Variants in TMEM120B observed in about 807,000 individuals in gnomAD.
TMEM120B encodes the protein transmembrane protein 120B.
TMEM120B carries 31 observed loss-of-function variants against 55.5 expected under a neutral mutation model. The observed-to-expected ratio is 0.56, with a 90% CI of 0.42 to 0.75. The LOEUF (loss-of-function observed/expected upper bound fraction) is 0.75. TMEM120B is among the 30% of genes least tolerant of loss of function. TMEM120B has a pLI of 0.00. For missense variants in TMEM120B, 399 were observed against 425.5 expected, an observed-to-expected ratio of 0.94 and a Z score of 0.55; for synonymous variants, 203 against 176.3, an observed-to-expected ratio of 1.15 and a Z score of -1.20.
chr12:121,769,743 C>T (rs1330760234), intron 6 of TMEM120B, among the ~76,000 whole-genome samples: 1 of 65,068 alleles, frequency 1.5e-5, no homozygotes, highest in Middle Eastern at 0.014. Context: ...TGTGTACATG[C>T]ATGCTTATTC....
intron 1 of TMEM120B, among the ~76,000 whole-genome samples, chr12:121,743,003 G>A (rs762223003): frequency 2.0e-5 from 3 of 152,188 alleles, no homozygotes; most frequent in Non-Finnish European, 2.9e-5. Flanking sequence ...TTGGAGGTAT[G>A]TGATGGTGGC....
chr12:121,729,793 C>T (rs577279772), intron 1 of TMEM120B, among the ~76,000 whole-genome samples: 21 of 152,012 alleles, frequency 1.4e-4, no homozygotes, highest in Non-Finnish European at 2.9e-4. Flanking sequence ...AGAGCGATCC[C>T]GTCTTTTAAA....
At chr12:121,722,848 CTTTTTTT>C (rs34271702) in intron 1 of TMEM120B, among the ~76,000 whole-genome samples, 2 of 133,088 alleles carry the variant, frequency 1.5e-5, no homozygotes, top group African/African-American at 2.8e-5. Context: ...TTTAAATTTA[CTTTTTTT>C]TTTTTTTTTT....
intron 1 of TMEM120B, among the ~76,000 whole-genome samples, chr12:121,736,062 C>T (rs1311602838): frequency 2.0e-5 from 3 of 152,084 alleles, no homozygotes; most frequent in Admixed American, 2.0e-4. Context: ...CATAGTAACA[C>T]CAAACTTGCA....
chr12:121,715,529 T>C (rs1894683851), intron 1 of TMEM120B, among the ~76,000 whole-genome samples: 1 of 152,164 alleles, frequency 6.6e-6, no homozygotes, highest in Admixed American at 6.5e-5. Flanking sequence ...TTTTGTTCCC[T>C]GGTGCACAGC....
chr12:121,730,907 G>A (rs1178661612), intron 1 of TMEM120B, among the ~76,000 whole-genome samples: 2 of 151,754 alleles, frequency 1.3e-5, no homozygotes, highest in East Asian at 3.9e-4. Context: ...TCGGTGAGCC[G>A]AGATTGCGCC....
At chr12:121,758,955 G>T (rs1873579070) in intron 5 of TMEM120B, 1 of 985,286 alleles carries the variant, frequency 1.0e-6, no homozygotes, top group South Asian at 4.7e-5. Flanking sequence ...CCCGCGCTGT[G>T]GTCACCATGG....
intron 9 of TMEM120B, among the ~76,000 whole-genome samples, chr12:121,774,240 G>A (rs1874162069): frequency 1.3e-5 from 2 of 152,174 alleles, no homozygotes; most frequent in African/African-American, 4.8e-5. Flanking sequence ...ATAGGCGTGG[G>A]CCACTGCACC....
intron 1 of TMEM120B, among the ~76,000 whole-genome samples, chr12:121,717,176 G>A (rs1894717821): frequency 6.6e-6 from 1 of 152,122 alleles, no homozygotes; most frequent in Admixed American, 6.6e-5. Flanking sequence ...GACCGCAGAA[G>A]GTCACTTACA....
At chr12:121,730,257 C>CA (rs111608601) in intron 1 of TMEM120B, among the ~76,000 whole-genome samples, 2,522 of 82,174 alleles carry the variant, frequency 0.031, 28 homozygotes, top group Middle Eastern at 0.089. Flanking sequence ...GACTCCATCT[C>CA]AAAAAAAAAA....
Position 121,779,348 on chromosome 12 carries a change from A to C in TMEM120B, c.*3626A>C. On this transcript the variant is annotated 3_prime_UTR_variant, in exon 12 of 12. Transcript: ENST00000449592. ...TTTGTGGTCAGAGCCCCAGCCAGGAAAGGAGAGAGTTCCAGAATGTTCCAA... is the reference window on the plus strand; with the variant it reads ...TTTGTGGTCAGAGCCCCAGCCAGGACAGGAGAGAGTTCCAGAATGTTCCAA... 1.2e-6 allele frequency: 1 copy of C among 826,766 alleles called. No individual in the cohort carries two copies. The highest frequency in any genetic ancestry group is 1.8e-6 in the Non-Finnish European group (1 of 542,600). The allele number at this position is 826,766 out of a possible 1,614,324, so 51.2% of individuals were successfully genotyped here.
At chr12:121,768,723 C>T (rs1346055630) in intron 6 of TMEM120B, among the ~76,000 whole-genome samples, 1 of 152,172 alleles carries the variant, frequency 6.6e-6, no homozygotes, top group Non-Finnish European at 1.5e-5. Context: ...GGAGGCCAGC[C>T]AAGGCCTGAG....
chr12:121,736,070 G>A (rs567049166), intron 1 of TMEM120B, among the ~76,000 whole-genome samples: 11 of 152,206 alleles, frequency 7.2e-5, no homozygotes, highest in African/African-American at 2.4e-4. Context: ...CACCAAACTT[G>A]CAGGGTGGTG....
rs768802982 is a variant in TMEM120B, at chr12:121,779,549, A to G, written c.*3827A>G. On this transcript the variant is annotated 3_prime_UTR_variant, in exon 12 of 12. Coordinates refer to ENST00000449592, the MANE Select transcript of TMEM120B (RefSeq NM_001080825.2). ...TCTTCTGCCGTTGCGCCTTCTTCAG[A>G]GCGCTGAGAGCCACCTTGGCGGCCT... 2 of 1,614,012 alleles carry G rather than the reference A, an allele frequency of 1.2e-6. No individual in the cohort carries two copies. Among genetic ancestry groups the G allele is most frequent in the East Asian group, 2.2e-5 (1 of 44,884 alleles).
rs1873237002 is a variant in TMEM120B, at chr12:121,750,371, T to A, written c.306-9T>A. ...AAGGATCATGCCCCTCACAGGTGTT[T>A]CCTTCCAGGCTCTACTTGAACCTGG... is the stretch of plus-strand genomic sequence containing the variant. On this transcript the variant is annotated splice_polypyrimidine_tract_variant and intron_variant, in intron 3 of 11. Transcript: ENST00000449592. 2.5e-6 allele frequency: 4 copies of A among 1,612,364 alleles called. 1 individual carries two copies. The highest frequency in any genetic ancestry group is 3.4e-6 in the Non-Finnish European group (4 of 1,179,016).
At position 121,776,230 on chromosome 12, in the gene TMEM120B, G is replaced by A. The variant is rs1308930031; in HGVS notation, c.*508G>A. On this transcript the variant is annotated 3_prime_UTR_variant, in exon 12 of 12. Coordinates refer to ENST00000449592, the MANE Select transcript of TMEM120B (RefSeq NM_001080825.2). ...TCGCCCACCCCGCCACGTGGTGAGG[G>A]TTATTTTAAGTTCTCAGAGACCCAC... 8.4e-6 allele frequency: 2 copies of A among 237,020 alleles called. No individual in the cohort carries two copies. The highest frequency in any genetic ancestry group is 1.7e-4 in the East Asian group (2 of 11,732). 14.7% of individuals were successfully genotyped at this position (237,020 alleles called of 1,614,324 possible). A position where few individuals can be genotyped will look rare whatever the true frequency, so the allele number is the denominator to read the frequency against.
rs1555332172 is a variant in TMEM120B, at chr12:121,759,136, T to TC, written c.462-2512dup. The stretch of plus-strand genomic sequence containing the variant: ...GAGTGTCTACTGTTTTTTTTTTTTT[T>TC]CTGAGGTGGAGTCTCGCTCACTCCC... On this transcript the variant is annotated intron_variant, in intron 5 of 11. Transcript: ENST00000449592. The TC allele has an allele frequency of 2.6e-5, 22 of 837,540 alleles. No homozygotes were observed. The Middle Eastern group carries it at 3.6e-3, about 138-fold the overall frequency. The allele number at this position is 837,540 out of a possible 1,614,324, so 51.9% of individuals were successfully genotyped here.
At chr12:121,734,919 AAG>A (rs1895077599) in intron 1 of TMEM120B, among the ~76,000 whole-genome samples, 1 of 151,994 alleles carries the variant, frequency 6.6e-6, no homozygotes, top group Non-Finnish European at 1.5e-5. Context: ...ATCTCAAAAA[AAG>A]AAAAAAAAAA....
chr12:121,775,763 A>AG lies in TMEM120B; in HGVS notation c.*46dup. The AG allele has an allele frequency of 6.2e-7, 1 of 1,605,830 alleles. No individual in the cohort carries two copies. The highest frequency in any genetic ancestry group is 1.7e-4 in the Middle Eastern group (1 of 6,048). ...GCCCTCGGCCCGGACTTCAGACTGC[A>AG]GGGGGCTCCCGGGCTCCTTCCCAGC... On this transcript the variant is annotated 3_prime_UTR_variant, in exon 12 of 12. Coordinates refer to ENST00000449592, the MANE Select transcript of TMEM120B (RefSeq NM_001080825.2). The surrounding 1 kb of genome is among the most constrained non-coding windows in gnomAD (Gnocchi z 4.3).
Sources: allele counts gnomAD v4.1 joint callset (sites outside exome capture counted in the v4.1 genomes callset), GRCh38; gene constraint gnomAD v4.1.1; non-coding constraint Gnocchi (gnomAD v3.1); transcripts MANE v1.5; gene names NCBI Gene and HGNC (gene_info 2026-07-23, HGNC 2026-07-21).